Variants in ANKRD27 observed in about 807,000 individuals in gnomAD.
ANKRD27 encodes ankyrin repeat domain-containing protein 27.
Under a neutral mutation model 129.7 loss-of-function variants are expected in ANKRD27, and 112 were observed. The ratio of observed to expected loss-of-function variants is 0.86; its 90% confidence interval spans 0.74 to 1.01. The LOEUF is 1.01. Ranked by LOEUF, ANKRD27 falls within the 50% of genes least tolerant of loss-of-function variation. The pLI, the probability that ANKRD27 is intolerant of heterozygous loss-of-function variation, is 0.00. For missense variants in ANKRD27, 1,258 were observed against 1,300.5 expected (o/e 0.97, Z 0.50); for synonymous variants, 516 against 511.2 (o/e 1.01, Z -0.13).
chr19:32,668,119 G>T (rs1304253458), intron 1 of ANKRD27, among the ~76,000 whole-genome samples: 1 of 152,262 alleles, frequency 6.6e-6, no homozygotes, highest in Admixed American at 6.6e-5. Flanking sequence ...ACCAGGCACT[G>T]CAATAACTTC....
intron 2 of ANKRD27, among the ~76,000 whole-genome samples, chr19:32,653,955 C>T (rs1177571599): frequency 6.6e-6 from 1 of 152,198 alleles, no homozygotes; most frequent in Non-Finnish European, 1.5e-5. Context: ...GGCTGGAGTG[C>T]AGTGGCGTGA....
At chr19:32,648,149 CCAGA>C (rs1967338932) in intron 3 of ANKRD27, among the ~76,000 whole-genome samples, 1 of 151,846 alleles carries the variant, frequency 6.6e-6, no homozygotes, top group Admixed American at 6.6e-5. Flanking sequence ...GCTTGCAGTC[CCAGA>C]CACTCAGGAG....
intron 20 of ANKRD27, 128 bp downstream of exon 20, chr19:32,619,132 G>T: frequency 7.8e-7 from 1 of 1,275,876 alleles, no homozygotes; most frequent in Non-Finnish European, 1.1e-6. Flanking sequence ...CCACAGAGCA[G>T]CAGCGGCCTC....
At chr19:32,669,045 C>G (rs951895872) in intron 1 of ANKRD27, among the ~76,000 whole-genome samples, 1 of 151,952 alleles carries the variant, frequency 6.6e-6, no homozygotes, top group Non-Finnish European at 1.5e-5. Context: ...CTCCTGGCCT[C>G]AAGTAATCCT....
At chr19:32,661,462 G>A (rs1313864020) in intron 1 of ANKRD27, among the ~76,000 whole-genome samples, 3 of 151,840 alleles carry the variant, frequency 2.0e-5, no homozygotes, top group African/African-American at 7.3e-5. Context: ...TCAGCCTCCA[G>A]AGCAGCTGGG....
intron 22 of ANKRD27, among the ~76,000 whole-genome samples, chr19:32,611,036 T>A (rs1325666109): frequency 6.6e-6 from 1 of 151,884 alleles, no homozygotes; most frequent in Non-Finnish European, 1.5e-5. Flanking sequence ...TAGAAGAGGA[T>A]GGGGGGAGTG....
chr19:32,667,060 C>T (rs1489558346), intron 1 of ANKRD27, among the ~76,000 whole-genome samples: 30 of 152,208 alleles, frequency 2.0e-4, no homozygotes, highest in Admixed American at 2.0e-3. Context: ...CATTTCCATG[C>T]CACCTTCACT....
intron 1 of ANKRD27, among the ~76,000 whole-genome samples, chr19:32,671,390 A>G (rs933673151): frequency 6.6e-6 from 1 of 152,140 alleles, no homozygotes; most frequent in Non-Finnish European, 1.5e-5. Flanking sequence ...TACCCTGTCA[A>G]GTTTACCTGC....
At chr19:32,628,641 C>T (rs1966933909) in intron 14 of ANKRD27, 81 bp downstream of exon 14, 2 of 1,567,070 alleles carry the variant, frequency 1.3e-6, no homozygotes, top group South Asian at 2.3e-5. Flanking sequence ...TATCTGCAGT[C>T]ACACAGCGCA....
chr19:32,627,410 ATTTT>A (rs375221232), intron 15 of ANKRD27, among the ~76,000 whole-genome samples: 6 of 67,402 alleles, frequency 8.9e-5, no homozygotes, highest in Non-Finnish European at 1.4e-4. Flanking sequence ...TTATTTATTT[ATTTT>A]TTGAGACAGA....
chr19:32,646,388 C>T, intron 4 of ANKRD27, 71 bp downstream of exon 4: 1 of 1,503,830 alleles, frequency 6.6e-7, no homozygotes, highest in East Asian at 2.3e-5. Flanking sequence ...CTTTCAACAG[C>T]TAAGTCAGGA....
intron 22 of ANKRD27, among the ~76,000 whole-genome samples, chr19:32,615,104 C>T (rs936577582): frequency 6.6e-6 from 1 of 152,186 alleles, no homozygotes; most frequent in African/African-American, 2.4e-5. Flanking sequence ...CCACGGGACT[C>T]AGGGGCCCAG....
chr19:32,664,728 G>T (rs1172357923), intron 1 of ANKRD27, among the ~76,000 whole-genome samples: 1 of 150,422 alleles, frequency 6.6e-6, no homozygotes, highest in African/African-American at 2.4e-5. Flanking sequence ...GAAGGTCAAA[G>T]CAGGTGGACT....
At chr19:32,618,451 G>C (rs77523780) in intron 20 of ANKRD27, among the ~76,000 whole-genome samples, 3 of 100,302 alleles carry the variant, frequency 3.0e-5, no homozygotes, top group African/African-American at 7.8e-5. Context: ...GTCCCAAAAA[G>C]AAAAAAAAAA....
chr19:32,649,577 A>G (rs1599765376), intron 3 of ANKRD27, 105 bp downstream of exon 3: 2 of 810,138 alleles, frequency 2.5e-6, no homozygotes, highest in East Asian at 4.9e-5. Flanking sequence ...GTCAAATGCC[A>G]CCATTGCCAG....
chr19:32,653,059 T>C (rs187210106), intron 2 of ANKRD27, among the ~76,000 whole-genome samples: 154 of 152,334 alleles, frequency 1.0e-3, no homozygotes, highest in Middle Eastern at 3.4e-3. Context: ...CGCTGCCTTC[T>C]GTCCTGATAT....
Position 32,605,872 on chromosome 19 carries a change from G to A in ANKRD27, c.2456C>T (p.Ser819Phe). The change falls in exon 24 of 29, where the codon TCC becomes TTC. Residue 819 changes from serine to phenylalanine, a missense_variant. By Grantham distance (155) the Ser-to-Phe change is radical. Coordinates refer to ENST00000306065, the MANE Select transcript of ANKRD27 (RefSeq NM_032139.3). Reference sequence around the variant, plus strand: ...TGCCACAAGCTCGTGATGGCCACCGGAGCAGGCGTAAATGAGGGGCGTGTT... The same window carrying A: ...TGCCACAAGCTCGTGATGGCCACCGAAGCAGGCGTAAATGAGGGGCGTGTT... ...SGNTPLIYAC[S>F]GGHHELVALL... The A allele has an allele frequency of 6.2e-7, 1 of 1,614,084 alleles. No homozygotes were observed. Among genetic ancestry groups the A allele is most frequent in the East Asian group, 2.2e-5 (1 of 44,876 alleles).
chr19:32,651,002 C>A (rs1395838242), intron 2 of ANKRD27, among the ~76,000 whole-genome samples: 2 of 152,062 alleles, frequency 1.3e-5, no homozygotes, highest in East Asian at 3.9e-4. Flanking sequence ...ACCTTGGCCT[C>A]CCAAAGTGCT....
chr19:32,663,347 T>C (rs1439413588), intron 1 of ANKRD27, among the ~76,000 whole-genome samples: 1 of 152,188 alleles, frequency 6.6e-6, no homozygotes, highest in Non-Finnish European at 1.5e-5. Flanking sequence ...ATTGTGGCAG[T>C]TTGAAGTCAC....
Sources: gnomAD v4.1 joint callset for allele counts (sites outside exome capture counted in the v4.1 genomes callset) on GRCh38, gnomAD v4.1.1 for gene constraint, MANE v1.5 for transcripts, NCBI Gene and HGNC (gene_info 2026-07-23, HGNC 2026-07-21) for gene names.